Variants in TTC6 observed in about 807,000 individuals in gnomAD.
The protein encoded by TTC6 is tetratricopeptide repeat domain 6.
A neutral mutation model predicts 210.4 loss-of-function variants in TTC6; 172 were observed. The ratio of observed to expected loss-of-function variants is 0.82; its 90% CI spans 0.72 to 0.93. The LOEUF (loss-of-function observed/expected upper bound fraction) is 0.93, where lower values mean the gene tolerates loss of function less well. Ranked by LOEUF, TTC6 falls within the 40% of genes least tolerant of loss-of-function variation. TTC6 has a pLI of 0.00. For missense variants in TTC6, 2,414 were observed against 2,318.1 expected (o/e 1.04, Z -0.85); for synonymous variants, 804 against 819.6 (o/e 0.98, Z 0.32).
At position 37,614,748 on chromosome 14, in the gene TTC6, T is replaced by C. The variant is rs79127286; in HGVS notation, c.-154-7302T>C. ...TGGTTGACAGTTTAAATTAATCAAT[T>C]AATTAATTTATTTATTGAGACAGAG... On this transcript the variant is annotated intron_variant, in intron 2 of 2. Transcript: ENST00000556845. Among the ~76,000 whole-genome samples, 51 of 152,266 alleles carry C rather than the reference T, an allele frequency of 3.3e-4. No individual in the cohort carries two copies. In the East Asian group the frequency reaches 8.9e-3, roughly 27 times the overall value.
intron 1 of TTC6, among the ~76,000 whole-genome samples, chr14:37,633,090 A>G (rs1434730689): frequency 6.6e-6 from 1 of 152,056 alleles, no homozygotes; most frequent in African/African-American, 2.4e-5. Context: ...GAGCGAGACC[A>G]CTTGGCTCCC....
intron 21 of TTC6, among the ~76,000 whole-genome samples, chr14:37,805,466 T>C (rs1456188995): frequency 7.4e-6 from 1 of 135,432 alleles, no homozygotes; most frequent in East Asian, 2.2e-4. Flanking sequence ...CACACACACA[T>C]CATTCTAATT....
At chr14:37,672,821 A>AAT (rs774465251) in intron 1 of TTC6, among the ~76,000 whole-genome samples, 1 of 129,024 alleles carries the variant, frequency 7.8e-6, no homozygotes, top group Non-Finnish European at 1.6e-5. Context: ...TGAATTCCTC[A>AAT]TTTTTTTTTT....
exon 29 of TTC6, chr14:37,827,301 C>T: frequency 3.7e-6 from 6 of 1,613,220 alleles, no homozygotes; most frequent in Non-Finnish European, 5.1e-6. Flanking sequence ...TACTCTAAAC[C>T]CCAAGTACTC....
chr14:37,765,820 T>C (rs1262987944), intron 14 of TTC6, among the ~76,000 whole-genome samples: 2 of 152,156 alleles, frequency 1.3e-5, no homozygotes, highest in African/African-American at 4.8e-5. Context: ...AGGTATAGAA[T>C]TCTTGCTTGA....
chr14:37,649,579 T>A (rs1345330099), intron 1 of TTC6, among the ~76,000 whole-genome samples: 1 of 152,230 alleles, frequency 6.6e-6, no homozygotes, highest in Non-Finnish European at 1.5e-5. Context: ...GTTCCCAGGA[T>A]TTTTGAAGCC....
At chr14:37,776,541 T>C (rs969053245) in intron 14 of TTC6, among the ~76,000 whole-genome samples, 5 of 152,176 alleles carry the variant, frequency 3.3e-5, no homozygotes, top group African/African-American at 1.2e-4. Context: ...ATCATTTGCT[T>C]GTTTGAAAAG....
intron 3 of TTC6, among the ~76,000 whole-genome samples, chr14:37,684,729 T>C (rs1171452227): frequency 6.6e-6 from 1 of 152,198 alleles, no homozygotes; most frequent in East Asian, 1.9e-4. Context: ...TTGTTATCCA[T>C]GAACTTTACA....
chr14:37,816,052 C>CAAAA (rs71127247), intron 25 of TTC6, among the ~76,000 whole-genome samples: 1 of 142,166 alleles, frequency 7.0e-6, no homozygotes. Flanking sequence ...TTAATTTTAG[C>CAAAA]AAAAAAAAAA....
chr14:37,797,044 C>G (rs768737020), intron 20 of TTC6, 97 bp downstream of exon 22: 2 of 1,124,618 alleles, frequency 1.8e-6, no homozygotes, highest in Non-Finnish European at 2.3e-6. Context: ...AAAATTAAGT[C>G]ATACTATTTA....
intron 1 of TTC6, among the ~76,000 whole-genome samples, chr14:37,605,726 T>C (rs2095623932): frequency 6.6e-6 from 1 of 152,196 alleles, no homozygotes; most frequent in South Asian, 2.1e-4. Context: ...CTGGAGAACA[T>C]CTAAGCAAAG....
At chr14:37,832,329 C>CTTT (rs58133834) in intron 29 of TTC6, among the ~76,000 whole-genome samples, 115 of 68,876 alleles carry the variant, frequency 1.7e-3, no homozygotes, top group African/African-American at 5.5e-3. Context: ...TTCTTTCTCT[C>CTTT]TTTTTTTTTT....
intron 26 of TTC6, among the ~76,000 whole-genome samples, chr14:37,821,772 CTTTTTTTTT>C (rs35078384): frequency 0.012 from 831 of 69,196 alleles, 13 homozygotes; most frequent in African/African-American, 0.051. Flanking sequence ...AAGAGCTAGT[CTTTTTTTTT>C]TTTTTTTTTT....
chr14:37,708,031 C>T (rs2095838629), intron 5 of TTC6, among the ~76,000 whole-genome samples: 1 of 151,868 alleles, frequency 6.6e-6, no homozygotes, highest in Non-Finnish European at 1.5e-5. Flanking sequence ...ATAAGGGTGA[C>T]CTTTTCCTAT....
At chr14:37,648,248 C>T (rs2095705186) in intron 1 of TTC6, among the ~76,000 whole-genome samples, 2 of 152,142 alleles carry the variant, frequency 1.3e-5, no homozygotes, top group East Asian at 3.9e-4. Context: ...TACCACTAAG[C>T]ATGTTGTTCA....
intron 23 of TTC6, among the ~76,000 whole-genome samples, chr14:37,807,940 G>C (rs1286896190): frequency 1.3e-5 from 2 of 151,864 alleles, no homozygotes; most frequent in East Asian, 3.9e-4. Context: ...AATATTCCAT[G>C]ACAATTTATT....
chr14:37,800,022 G>A (rs1164662952), intron 20 of TTC6, among the ~76,000 whole-genome samples: 1 of 152,034 alleles, frequency 6.6e-6, no homozygotes, highest in Non-Finnish European at 1.5e-5. Context: ...ATTTTTTGCA[G>A]CAACAAGAAA....
chr14:37,701,281 C>T (rs1291266372), intron 4 of TTC6, 51 bp from the exon 7 acceptor site: 1 of 1,242,162 alleles, frequency 8.1e-7, no homozygotes, highest in African/African-American at 1.5e-5. Flanking sequence ...TACTTTATAT[C>T]TAAAGTCCAC....
intron 6 of TTC6, among the ~76,000 whole-genome samples, chr14:37,722,664 A>G (rs970725631): frequency 6.6e-6 from 1 of 152,062 alleles, no homozygotes; most frequent in African/African-American, 2.4e-5. Context: ...ATTTGATTCG[A>G]TTATGTGATT....
Sources: gnomAD v4.1 joint callset for allele counts (sites outside exome capture counted in the v4.1 genomes callset) on GRCh38, gnomAD v4.1.1 for gene constraint, MANE v1.5 for transcripts, NCBI Gene and HGNC (gene_info 2026-07-23, HGNC 2026-07-21) for gene names.